Variants in RUVBL1 observed in about 807,000 individuals in gnomAD.
RUVBL1 encodes the protein RuvB like AAA ATPase 1, also known as ruvB-like 1.
RUVBL1 carries 4 observed loss-of-function variants against 52.4 expected under a neutral mutation model. The observed-to-expected ratio is 0.08, with a 90% CI of 0.04 to 0.17. The LOEUF is 0.17. Among genes scored for constraint, RUVBL1 ranks in the 10% least tolerant of loss-of-function variants. The pLI, the probability that RUVBL1 is intolerant of heterozygous loss-of-function variation, is 1.00. For missense variants in RUVBL1, 298 were observed against 572.8 expected, an observed-to-expected ratio of 0.52 and a Z score of 4.90; for synonymous variants, 217 against 214.4, an observed-to-expected ratio of 1.01 and a Z score of -0.10.
chr3:128,118,012 T>A (rs1320423217), intron 2 of RUVBL1, among the ~76,000 whole-genome samples: 1 of 152,192 alleles, frequency 6.6e-6, no homozygotes, highest in East Asian at 1.9e-4. Flanking sequence ...ACATAGCTCT[T>A]TTTCAAAACA....
At chr3:128,128,079 T>C (rs1943821815), upstream of RUVBL1, among the ~76,000 whole-genome samples, 1 of 152,088 alleles carries the variant, frequency 6.6e-6, no homozygotes, top group Non-Finnish European at 1.5e-5. Context: ...GTGTTAGTTT[T>C]TTGGGGGGCT....
chr3:128,146,353 C>T (rs1055352412), intron 1 of RUVBL1, among the ~76,000 whole-genome samples: 3 of 149,792 alleles, frequency 2.0e-5, no homozygotes, highest in African/African-American at 7.4e-5. Flanking sequence ...TGTCTCTGTG[C>T]TTATGCATGG....
At chr3:128,129,001 C>T (rs1559832563) in intron 1 of RUVBL1, among the ~76,000 whole-genome samples, 1 of 152,128 alleles carries the variant, frequency 6.6e-6, no homozygotes, top group Non-Finnish European at 1.5e-5. Context: ...AGGATATGTG[C>T]AATCTTTCTC....
chr3:128,075,533 C>T (rs148640290), intron 9 of RUVBL1, among the ~76,000 whole-genome samples: 1 of 152,310 alleles, frequency 6.6e-6, no homozygotes, highest in Non-Finnish European at 1.5e-5. Context: ...TCCCCGCATG[C>T]ACGGGGGGAC....
chr3:128,148,210 C>T (rs1483732068), intron 1 of RUVBL1, among the ~76,000 whole-genome samples: 4 of 151,924 alleles, frequency 2.6e-5, no homozygotes, highest in East Asian at 1.9e-4. Flanking sequence ...CTCATAGAGC[C>T]GTACACCAAC....
intron 9 of RUVBL1, among the ~76,000 whole-genome samples, chr3:128,065,470 C>G (rs981461707): frequency 6.6e-6 from 1 of 152,140 alleles, no homozygotes; most frequent in Non-Finnish European, 1.5e-5. Flanking sequence ...ATCTCTTAAA[C>G]TTGCTTCTGA....
intron 1 of RUVBL1, among the ~76,000 whole-genome samples, chr3:128,142,837 G>A (rs1275994242): frequency 6.6e-6 from 1 of 151,976 alleles, no homozygotes; most frequent in Non-Finnish European, 1.5e-5. Context: ...CTGGAATGTA[G>A]AGGGGTGATC....
At chr3:128,076,716 C>A (rs114114953), downstream of RUVBL1, among the ~76,000 whole-genome samples, 31 of 152,128 alleles carry the variant, frequency 2.0e-4, no homozygotes, top group African/African-American at 7.2e-4. The surrounding 1 kb of genome is among the most constrained non-coding windows in gnomAD (Gnocchi z 6.8). Flanking sequence ...TACACACGCG[C>A]GCGCGCAGCC....
At chr3:128,112,650 T>C (rs1448787910) in intron 3 of RUVBL1, among the ~76,000 whole-genome samples, 1 of 152,260 alleles carries the variant, frequency 6.6e-6, no homozygotes, top group East Asian at 1.9e-4. Context: ...CATCTATTTA[T>C]TGCATGAAGA....
At chr3:128,071,479 T>G (rs1209424866) in intron 9 of RUVBL1, 1 of 152,602 alleles carries the variant, frequency 6.6e-6, no homozygotes, top group Non-Finnish European at 1.5e-5. Flanking sequence ...GCACCAGGCC[T>G]CAGGAGGAGC....
At chr3:128,127,425 C>G (rs1003264151), upstream of RUVBL1, among the ~76,000 whole-genome samples, 3 of 152,194 alleles carry the variant, frequency 2.0e-5, no homozygotes, top group Non-Finnish European at 4.4e-5. Flanking sequence ...CTCCCACGAC[C>G]TTTGCTCTTT....
At chr3:128,124,116 A>C (rs748980995), upstream of RUVBL1, among the ~76,000 whole-genome samples, 5 of 151,824 alleles carry the variant, frequency 3.3e-5, no homozygotes, top group African/African-American at 7.3e-5. Context: ...TGAACGTCAT[A>C]CTCTTACGCA....
chr3:128,135,718 GA>G (rs1943938274), intron 1 of RUVBL1, among the ~76,000 whole-genome samples: 1 of 152,204 alleles, frequency 6.6e-6, no homozygotes, highest in African/African-American at 2.4e-5. Flanking sequence ...TCTTCAGTCT[GA>G]AAGAAAAGGA....
At position 128,065,612 on chromosome 3, in the gene RUVBL1, G is replaced by A. The variant is rs531220201; in HGVS notation, c.940-392C>T. ...GAAAGGCAGTTTGATGTTTGTGAAA[G>A]GTATTTATACGAGCTACATGCTTTT... is the stretch of plus-strand genomic sequence containing the variant. On this transcript the variant is annotated intron_variant, in intron 9 of 9. Coordinates refer to the RUVBL1 transcript ENST00000464873. 2.0e-5 allele frequency among the ~76,000 whole-genome samples: 3 copies of A among 152,100 alleles called. No individual in the cohort carries two copies. In the East Asian group the frequency reaches 5.8e-4, roughly 29 times the overall value.
intron 1 of RUVBL1, among the ~76,000 whole-genome samples, chr3:128,135,396 G>C (rs1342603882): frequency 6.6e-6 from 1 of 152,146 alleles, no homozygotes; most frequent in African/African-American, 2.4e-5. Flanking sequence ...AGCCAGGTGT[G>C]GCGGCATGCA....
rs577638039 is a variant in RUVBL1 at position 128,065,910 on chromosome 3, T to C, written c.940-690A>G. On this transcript the variant is annotated intron_variant, in intron 9 of 9. Transcript: ENST00000464873. ...GTGCCTGTCACCACGCCCGGCTAAT[T>C]TTTTTTTATTTTTAGTATAGACAGG... Among the ~76,000 whole-genome samples, 6 of 151,356 alleles carry C rather than the reference T, an allele frequency of 4.0e-5. No homozygotes were observed. The South Asian group carries it at 1.3e-3, about 32-fold the overall frequency.
At chr3:128,080,084 C>G (rs563731544), downstream of RUVBL1, among the ~76,000 whole-genome samples, 1 of 152,292 alleles carries the variant, frequency 6.6e-6, no homozygotes, top group African/African-American at 2.4e-5. Flanking sequence ...GTGCACTGCC[C>G]AGTGCTGCAC....
rs145773116 is a variant in RUVBL1, at chr3:128,149,063, T to C, written c.-40+4140A>G. ...TGCCACACACTCTTCTTTTAAATTA[T>C]GATTTTTGGTAGCTTTGTGTCTGAT... is the stretch of plus-strand genomic sequence containing the variant. On this transcript the variant is annotated intron_variant, in intron 1 of 9. Coordinates refer to the RUVBL1 transcript ENST00000464873. 5.4e-3 allele frequency among the ~76,000 whole-genome samples: 818 copies of C among 152,302 alleles called. 7 individuals carry two copies. Among genetic ancestry groups the C allele is most frequent in the Non-Finnish European group, 8.8e-3 (601 of 68,014 alleles).
intron 1 of RUVBL1, among the ~76,000 whole-genome samples, chr3:128,130,397 CA>C (rs977468931): frequency 2.0e-5 from 3 of 151,602 alleles, no homozygotes; most frequent in Non-Finnish European, 4.4e-5. Flanking sequence ...AGTCAGTAAC[CA>C]AAAGTCTCCC....
Sources: gnomAD v4.1 joint callset for allele counts (sites outside exome capture counted in the v4.1 genomes callset) on GRCh38, gnomAD v4.1.1 for gene constraint, Gnocchi (gnomAD v3.1) non-coding constraint, MANE v1.5 for transcripts, NCBI Gene and HGNC (gene_info 2026-07-23, HGNC 2026-07-21) for gene names.